The following ZCCHC7 variants were observed in gnomAD, a reference collection of about 807,000 sequenced individuals.
ZCCHC7 encodes the protein zinc finger CCHC domain-containing protein 7.
ZCCHC7 carries 35 observed loss-of-function variants against 52.0 expected under a neutral mutation model. That is an observed-to-expected ratio of 0.67 (90% CI 0.51 to 0.89). The LOEUF (loss-of-function observed/expected upper bound fraction) is 0.89. Ranked by LOEUF, ZCCHC7 falls within the 40% of genes least tolerant of loss-of-function variation. ZCCHC7 has a pLI of 0.00. For synonymous variants in ZCCHC7, 217 were observed against 221.5 expected (o/e 0.98, Z 0.18); for missense variants, 574 against 649.1 (o/e 0.88, Z 1.26).
At chr9:37,291,427 A>G (rs911752986) in intron 2 of ZCCHC7, among the ~76,000 whole-genome samples, 1 of 151,996 alleles carries the variant, frequency 6.6e-6, no homozygotes, top group Non-Finnish European at 1.5e-5. Context: ...ATCACACAAT[A>G]TATGACAGGA....
intron 3 of ZCCHC7, among the ~76,000 whole-genome samples, chr9:37,303,349 C>T (rs914888357): frequency 1.3e-5 from 2 of 151,426 alleles, no homozygotes; most frequent in African/African-American, 4.9e-5. Context: ...CGCTTGAACC[C>T]AGGGAGGTAG....
intron 2 of ZCCHC7, among the ~76,000 whole-genome samples, chr9:37,259,260 T>C (rs1315113724): frequency 1.3e-5 from 2 of 152,138 alleles, no homozygotes; most frequent in Non-Finnish European, 2.9e-5. Flanking sequence ...TTAATAGCAA[T>C]AAATAAGTAA....
intron 2 of ZCCHC7, among the ~76,000 whole-genome samples, chr9:37,155,945 A>T (rs1260206270): frequency 2.0e-5 from 3 of 152,214 alleles, no homozygotes; most frequent in Non-Finnish European, 4.4e-5. Flanking sequence ...AGAGTTCCTG[A>T]CCTGTCAAGG....
chr9:37,260,867 AGT>A (rs938314599), intron 2 of ZCCHC7, among the ~76,000 whole-genome samples: 1 of 152,220 alleles, frequency 6.6e-6, no homozygotes, highest in African/African-American at 2.4e-5. Flanking sequence ...TTTGAAATGG[AGT>A]TCAGACAAAC....
At chr9:37,321,797 A>G (rs1297946452) in intron 5 of ZCCHC7, among the ~76,000 whole-genome samples, 2 of 152,164 alleles carry the variant, frequency 1.3e-5, no homozygotes, top group African/African-American at 4.8e-5. Context: ...AATAAAATAA[A>G]GTGAAACTAA....
intron 2 of ZCCHC7, among the ~76,000 whole-genome samples, chr9:37,197,173 G>T (rs1823332553): frequency 6.6e-6 from 1 of 152,072 alleles, no homozygotes; most frequent in Non-Finnish European, 1.5e-5. Context: ...TTTAAAATTA[G>T]ACTTCCCCCC....
At chr9:37,262,413 A>G (rs1826909353) in intron 2 of ZCCHC7, among the ~76,000 whole-genome samples, 1 of 152,032 alleles carries the variant, frequency 6.6e-6, no homozygotes, top group Non-Finnish European at 1.5e-5. Flanking sequence ...CTTATCAATA[A>G]TTTTTCTTAC....
intron 2 of ZCCHC7, among the ~76,000 whole-genome samples, chr9:37,294,290 T>C (rs1828677046): frequency 6.6e-6 from 1 of 152,200 alleles, no homozygotes; most frequent in Non-Finnish European, 1.5e-5. Flanking sequence ...TAACTTCATC[T>C]GTGGCTGTTT....
chr9:37,350,119 G>GTTT (rs775985212), intron 7 of ZCCHC7, among the ~76,000 whole-genome samples: 3 of 119,262 alleles, frequency 2.5e-5, no homozygotes, highest in African/African-American at 6.4e-5. Flanking sequence ...TTTGGGGTTT[G>GTTT]TTTTTTTTTT....
At chr9:37,178,222 G>A (rs1822152084) in intron 2 of ZCCHC7, among the ~76,000 whole-genome samples, 1 of 152,042 alleles carries the variant, frequency 6.6e-6, no homozygotes, top group African/African-American at 2.4e-5. Context: ...ATAGAATTTG[G>A]ATATGTCAGT....
chr9:37,276,545 A>ATAAT (rs953050169), intron 2 of ZCCHC7, among the ~76,000 whole-genome samples: 136 of 152,344 alleles, frequency 8.9e-4, no homozygotes, highest in African/African-American at 3.1e-3. Context: ...CACTTATTAT[A>ATAAT]GAGCTTTTTA....
At chr9:37,347,254 C>T (rs1310015622) in intron 6 of ZCCHC7, among the ~76,000 whole-genome samples, 1 of 152,160 alleles carries the variant, frequency 6.6e-6, no homozygotes, top group Non-Finnish European at 1.5e-5. Flanking sequence ...TCAAGTCTTT[C>T]CCATTCTATA....
chr9:37,351,676 C>T (rs1281661405), intron 7 of ZCCHC7, among the ~76,000 whole-genome samples: 1 of 152,178 alleles, frequency 6.6e-6, no homozygotes, highest in African/African-American at 2.4e-5. Context: ...CATTACTAAA[C>T]ATTCAGATGT....
chr9:37,233,143 A>G (rs1452629631), intron 2 of ZCCHC7, among the ~76,000 whole-genome samples: 1 of 152,222 alleles, frequency 6.6e-6, no homozygotes, highest in Non-Finnish European at 1.5e-5. Context: ...TATATTTCTA[A>G]AAGCCCATTG....
intron 5 of ZCCHC7, among the ~76,000 whole-genome samples, chr9:37,322,854 A>G (rs1830106233): frequency 6.6e-6 from 1 of 152,028 alleles, no homozygotes; most frequent in Non-Finnish European, 1.5e-5. Flanking sequence ...TTGGTACAGT[A>G]GATTCATTTA....
intron 2 of ZCCHC7, among the ~76,000 whole-genome samples, chr9:37,222,689 A>G (rs1400547353): frequency 6.6e-6 from 1 of 152,124 alleles, no homozygotes; most frequent in Non-Finnish European, 1.5e-5. Flanking sequence ...CTACATCTGC[A>G]TGAACACCTT....
At chr9:37,173,914 C>T (rs565448925) in intron 2 of ZCCHC7, among the ~76,000 whole-genome samples, 2 of 152,172 alleles carry the variant, frequency 1.3e-5, no homozygotes, top group African/African-American at 4.8e-5. Context: ...AATTATACCT[C>T]GTTCATATAC....
At chr9:37,283,454 A>G (rs902896304) in intron 2 of ZCCHC7, among the ~76,000 whole-genome samples, 12 of 152,198 alleles carry the variant, frequency 7.9e-5, no homozygotes, top group African/African-American at 2.9e-4. Context: ...TTAAAATGGA[A>G]AAGTGGGCTC....
In ZCCHC7 at chr9:37,126,566, A is replaced by G; in HGVS notation, c.234A>G (p.Ser78=). 1 of 1,614,172 alleles carries G rather than the reference A, an allele frequency of 6.2e-7. No homozygotes were observed. The highest frequency in any genetic ancestry group is 1.1e-5 in the South Asian group (1 of 91,086). ...ATCAGAAGAAGCTAATCGTCCTTTC[A>G]GATAGTGAGGTCATCCAGCTGTCAG... ...KPNQKKLIVL[S]DSEVIQLSDG... is the part of the protein sequence containing the mutation. Residue 78 remains serine, a synonymous_variant, in exon 2 of 9, where the codon TCA becomes TCG. Coordinates refer to ENST00000336755, the MANE Select transcript of ZCCHC7 (RefSeq NM_032226.3).
Sources: allele counts gnomAD v4.1 joint callset (sites outside exome capture counted in the v4.1 genomes callset), GRCh38; gene constraint gnomAD v4.1.1; transcripts MANE v1.5; gene names NCBI Gene and HGNC (gene_info 2026-07-23, HGNC 2026-07-21).